The following RNASEH2B variants were observed in gnomAD, a reference collection of about 807,000 sequenced individuals.
RNASEH2B encodes the protein ribonuclease H2 subunit B, also known as Aicardi-Goutieres syndrome 2 protein.
A neutral mutation model predicts 45.0 loss-of-function variants in RNASEH2B; 36 were observed. The observed-to-expected ratio is 0.80, with a 90% CI of 0.61 to 1.06. The LOEUF is 1.06. Among genes scored for constraint, RNASEH2B ranks in the 50% least tolerant of loss-of-function variants. The pLI is 0.00. For synonymous variants in RNASEH2B, 119 were observed against 125.7 expected (o/e 0.95, Z 0.35); for missense variants, 361 against 360.3 (o/e 1.00, Z -0.02).
At position 50,930,728 on chromosome 13, in the gene RNASEH2B, T is replaced by G; in HGVS notation, c.290T>G (p.Leu97Arg). The G allele has an allele frequency of 6.2e-7, 1 of 1,613,942 alleles. No homozygotes were observed. The highest frequency in any genetic ancestry group is 2.2e-5 in the East Asian group (1 of 44,892). ...FATPVDPLFL[L>R]LHYLIKADKE... is the part of the protein sequence containing the mutation. The stretch of plus-strand genomic sequence containing the variant: ...ACACCTGTGGATCCTCTATTTCTGC[T>G]TCTCCACTACCTCATAAAGGCTGAT... The change falls in exon 4 of 11, where the codon CTT (leucine) becomes CGT (arginine). Residue 97 changes from leucine (L) to arginine (R), a missense_variant. Leu to Arg is a moderately radical substitution (Grantham distance 102, BLOSUM62 -2). Coordinates refer to ENST00000336617, the MANE Select transcript of RNASEH2B (RefSeq NM_024570.4).
rs1241188714 is a variant in RNASEH2B, at chr13:50,914,042, GATTTTTTTTTTTTTT to G, written c.64+3903_64+3917del. On this transcript the variant is annotated intron_variant, in intron 1 of 10. Transcript: ENST00000336617. ...TGTTATTTCTGATTACAGTCTTGAAGATTTTTTTTTTTTTTTTTTGGTCCACCAACTGGCATAATT... is the reference window on the plus strand; with the variant it reads ...TGTTATTTCTGATTACAGTCTTGAAGTTTTGGTCCACCAACTGGCATAATT... Among the ~76,000 whole-genome samples, 4 of 65,636 alleles carry G rather than the reference GATTTTTTTTTTTTTT, an allele frequency of 6.1e-5. No homozygotes were observed. The East Asian group carries it at 1.7e-3, about 28-fold the overall frequency. 43.1% of individuals were successfully genotyped at this position (65,636 alleles called of 152,430 possible).
At chr13:50,926,628 A>G (rs1421422250) in intron 1 of RNASEH2B, among the ~76,000 whole-genome samples, 4 of 152,154 alleles carry the variant, frequency 2.6e-5, no homozygotes, top group African/African-American at 7.2e-5. Flanking sequence ...TAAAAATATA[A>G]TTTCTAAATA....
intron 1 of RNASEH2B, 69 bp from the exon 2 acceptor site, chr13:50,927,338 A>G: frequency 1.1e-6 from 1 of 914,184 alleles, no homozygotes; most frequent in Non-Finnish European, 1.8e-6. Context: ...AAAGGAAAAC[A>G]GGGTAAAGTA....
intron 9 of RNASEH2B, among the ~76,000 whole-genome samples, chr13:50,968,269 A>G (rs1048489316): frequency 2.6e-5 from 4 of 152,144 alleles, no homozygotes; most frequent in Admixed American, 2.6e-4. Flanking sequence ...GTGTGGTGGC[A>G]CACACCTGTA....
intron 3 of RNASEH2B, 72 bp from the exon 4 acceptor site, chr13:50,930,611 G>T: frequency 9.2e-7 from 1 of 1,085,808 alleles, no homozygotes; most frequent in South Asian, 1.2e-5. Flanking sequence ...TTTTCACTTT[G>T]AGATTAAGGT....
intron 2 of RNASEH2B, 41 bp downstream of exon 2, chr13:50,927,519 T>C: frequency 7.9e-7 from 1 of 1,258,240 alleles, no homozygotes; most frequent in Non-Finnish European, 1.2e-6. Flanking sequence ...TTAAATGTTG[T>C]GGCTAATGAG....
intron 5 of RNASEH2B, chr13:50,938,637 A>T (rs1343973575): frequency 1.3e-5 from 2 of 152,140 alleles, no homozygotes; most frequent in Non-Finnish European, 2.9e-5. Flanking sequence ...CACAACCTAG[A>T]TCCCTCGCAT....
At chr13:50,930,919 A>G in intron 4 of RNASEH2B, 160 bp downstream of exon 4, 1 of 690,270 alleles carries the variant, frequency 1.4e-6, no homozygotes, top group Non-Finnish European at 2.7e-6. Flanking sequence ...TGCAGGACAG[A>G]GCACTACTGC....
chr13:50,954,641 A>G (rs538504531), intron 10 of RNASEH2B: 2 of 152,140 alleles, frequency 1.3e-5, no homozygotes, highest in South Asian at 4.1e-4. Context: ...TTTTGTTTTT[A>G]TTGAAGTGAT....
At chr13:50,944,047 G>A (rs974645842) in intron 6 of RNASEH2B, among the ~76,000 whole-genome samples, 1 of 148,556 alleles carries the variant, frequency 6.7e-6, no homozygotes, top group Non-Finnish European at 1.5e-5. Context: ...GATGGGACGG[G>A]ACGGGATGGG....
chr13:50,955,166 G>T (rs1325773578), intron 10 of RNASEH2B: 1 of 152,044 alleles, frequency 6.6e-6, no homozygotes, highest in Non-Finnish European at 1.5e-5. Flanking sequence ...TTTTTCCATT[G>T]TTTTTATGCT....
chr13:50,957,088 C>G (rs532219843), downstream of RNASEH2B, among the ~76,000 whole-genome samples: 390 of 150,840 alleles, frequency 2.6e-3, 4 homozygotes, highest in Middle Eastern at 0.014. Context: ...TACTTTGTAA[C>G]CTTTTTTTTT....
chr13:50,935,062 TGCTTACAGACACACTGAATGTAAG>T, intron 5 of RNASEH2B, 63 bp downstream of exon 5: 1 of 1,033,436 alleles, frequency 9.7e-7, no homozygotes, highest in Non-Finnish European at 1.5e-6. Flanking sequence ...AGAACGTGGC[TGCTTACAGACACACTGAATGTAAG>T]GCTTATTCTG....
At chr13:50,949,423 G>T in intron 8 of RNASEH2B, 40 bp from the exon 9 acceptor site, 1 of 1,602,858 alleles carries the variant, frequency 6.2e-7, no homozygotes, top group African/African-American at 1.3e-5. Context: ...GTTTGTCTAT[G>T]AAAAACGATG....
chr13:50,918,206 C>T (rs909229742), intron 1 of RNASEH2B, among the ~76,000 whole-genome samples: 2 of 152,082 alleles, frequency 1.3e-5, no homozygotes, highest in Non-Finnish European at 2.9e-5. Context: ...GGCACGATCT[C>T]GGCTCACTGC....
chr13:50,927,060 C>T (rs1951607110), intron 1 of RNASEH2B: 1 of 270,344 alleles, frequency 3.7e-6, no homozygotes, highest in Non-Finnish European at 7.3e-6. Context: ...AACAAGTATA[C>T]TATTATTGTC....
chr13:50,965,096 A>G (rs1952151929), intron 9 of RNASEH2B, among the ~76,000 whole-genome samples: 1 of 152,252 alleles, frequency 6.6e-6, no homozygotes, highest in Admixed American at 6.5e-5. Context: ...CCATGAGACT[A>G]TAACACAGAG....
chr13:50,923,696 A>T (rs1951553823), intron 1 of RNASEH2B, among the ~76,000 whole-genome samples: 1 of 152,234 alleles, frequency 6.6e-6, no homozygotes, highest in African/African-American at 2.4e-5. Flanking sequence ...GATTGAAAGG[A>T]TAAGGCACTA....
chr13:50,930,312 C>T lies in RNASEH2B; in HGVS notation c.245-371C>T, dbSNP rs535794662. ...TACTGCAGCTTTATAGATAGACTGA[C>T]GATACAGGTTCCCTAACATTGCCGT... On this transcript the variant is annotated intron_variant, in intron 3 of 10. Transcript: ENST00000336617. Among the ~76,000 whole-genome samples the T allele has an allele frequency of 1.5e-3, 224 of 152,326 alleles. 1 individual carries two copies. Among genetic ancestry groups the T allele is most frequent in the African/African-American group, 5.1e-3 (210 of 41,582 alleles).
Sources: gnomAD v4.1 joint callset for allele counts (sites outside exome capture counted in the v4.1 genomes callset) on GRCh38, gnomAD v4.1.1 for gene constraint, MANE v1.5 for transcripts, NCBI Gene and HGNC (gene_info 2026-07-23, HGNC 2026-07-21) for gene names.